The following ZNF660 variants were observed in gnomAD, a reference collection of about 807,000 sequenced individuals.
The protein encoded by ZNF660 is zinc finger protein 660.
Under a neutral mutation model 23.2 loss-of-function variants are expected in ZNF660, and 24 were observed. The ratio of observed to expected loss-of-function variants is 1.04; its 90% CI spans 0.75 to 1.46. The LOEUF (loss-of-function observed/expected upper bound fraction) is 1.46, where lower values mean the gene tolerates loss of function less well. Ranked by LOEUF, ZNF660 falls within the 40% of genes most tolerant of loss-of-function variation. ZNF660 has a pLI of 0.00. For missense variants in ZNF660, 373 were observed against 396.8 expected (o/e 0.94, Z 0.51); for synonymous variants, 117 against 131.4 (o/e 0.89, Z 0.75).
In ZNF660 at chr3:44,595,129, G is replaced by A. The variant is rs145969286; in HGVS notation, c.936G>A (p.Arg312=). The A allele has an allele frequency of 7.8e-5, 125 of 1,612,058 alleles. No individual in the cohort carries two copies. In the African/African-American group the frequency reaches 8.1e-4, roughly 11 times the overall value. The part of the protein sequence containing the change: ...YKCSECGKAY[R]YSSQLIQHQR... Reference sequence around the variant, plus strand: ...GTAGTGAGTGTGGGAAAGCCTATCGGTATAGTTCACAGCTTATTCAACACC... The same window carrying A: ...GTAGTGAGTGTGGGAAAGCCTATCGATATAGTTCACAGCTTATTCAACACC... Residue 312 remains arginine, a synonymous_variant, in exon 3 of 3, where the codon CGG becomes CGA. Coordinates refer to ENST00000322734, the MANE Select transcript of ZNF660 (RefSeq NM_173658.4).
chr3:44,592,453 T>C (rs1163955991), intron 2 of ZNF660, among the ~76,000 whole-genome samples: 2 of 152,238 alleles, frequency 1.3e-5, no homozygotes, highest in South Asian at 2.1e-4. Flanking sequence ...CCCAACTCCC[T>C]CTAAGGTCTG....
intron 2 of ZNF660, among the ~76,000 whole-genome samples, chr3:44,587,847 A>T (rs1700277808): frequency 6.6e-6 from 1 of 152,150 alleles, no homozygotes; most frequent in South Asian, 2.1e-4. Context: ...TGAGGTTGGG[A>T]GTTTGAGACC....
At chr3:44,586,070 G>T (rs1480090868) in intron 1 of ZNF660, 35 bp from the exon 2 acceptor site, 1 of 152,148 alleles carries the variant, frequency 6.6e-6, no homozygotes, top group East Asian at 1.9e-4. Flanking sequence ...GGAATTCAGG[G>T]CTCAGAGAAC....
intron 2 of ZNF660, among the ~76,000 whole-genome samples, chr3:44,589,898 T>C (rs960438585): frequency 1.3e-5 from 2 of 149,720 alleles, no homozygotes; most frequent in South Asian, 4.3e-4. Context: ...AATCCCTGCC[T>C]ACATGAAGTT....
intron 2 of ZNF660, among the ~76,000 whole-genome samples, chr3:44,587,450 T>C (rs1229166076): frequency 3.9e-5 from 6 of 152,328 alleles, no homozygotes; most frequent in African/African-American, 1.4e-4. Context: ...GTTGCCTAGA[T>C]ACCCCTAGTG....
chr3:44,589,572 T>C (rs1700345783), intron 2 of ZNF660, among the ~76,000 whole-genome samples: 2 of 152,164 alleles, frequency 1.3e-5, no homozygotes, highest in South Asian at 4.1e-4. Flanking sequence ...ATGGTAATGC[T>C]TGAAAAACTG....
At position 44,599,209 on chromosome 3, in the gene ZNF660, T is replaced by C. The variant is rs944388049; in HGVS notation, c.*4020T>C. ...CCACAGACATCCTGGTTATATAGAA[T>C]TGCTCCTGTGTAGAATAAAAATATA... On this transcript the variant is annotated 3_prime_UTR_variant, in exon 3 of 3. Transcript: ENST00000322734. The C allele has an allele frequency of 3.3e-5, 5 of 152,182 alleles. No homozygotes were observed. Among genetic ancestry groups the C allele is most frequent in the African/African-American group, 9.7e-5 (4 of 41,434 alleles). The allele number at this position is 152,182 out of a possible 1,614,324, so 9.4% of individuals were successfully genotyped here.
At chr3:44,586,525 G>A (rs903174224) in intron 2 of ZNF660, 18 of 152,182 alleles carry the variant, frequency 1.2e-4, no homozygotes, top group Admixed American at 1.2e-3. Flanking sequence ...GGATAGACTG[G>A]GAGGTTCCTT....
At chr3:44,592,463 G>C (rs1013838385) in intron 2 of ZNF660, among the ~76,000 whole-genome samples, 1 of 152,178 alleles carries the variant, frequency 6.6e-6, no homozygotes, top group Non-Finnish European at 1.5e-5. Context: ...TCTAAGGTCT[G>C]CCATGGTTAC....
rs141493347 is a variant in ZNF660, at chr3:44,595,817, C to G, written c.*628C>G. ...CACTGGCATTTAGCAGCAGTGGAAC[C>G]GCGAGCAAGTCCCTTCCTTTTAGAG... On this transcript the variant is annotated 3_prime_UTR_variant, in exon 3 of 3. Transcript: ENST00000322734. 90 of 167,188 alleles carry G rather than the reference C, an allele frequency of 5.4e-4. No individual in the cohort carries two copies. The highest frequency in any genetic ancestry group is 2.0e-3 in the African/African-American group (83 of 41,566). 10.4% of individuals were successfully genotyped at this position (167,188 alleles called of 1,614,324 possible).
intron 2 of ZNF660, among the ~76,000 whole-genome samples, chr3:44,588,563 T>C (rs961381638): frequency 6.6e-6 from 1 of 152,144 alleles, no homozygotes; most frequent in Non-Finnish European, 1.5e-5. Flanking sequence ...TCTCCCAGGC[T>C]GGAGTGTGGC....
At chr3:44,585,259 G>A (rs886883216) in intron 1 of ZNF660, among the ~76,000 whole-genome samples, 1 of 152,162 alleles carries the variant, frequency 6.6e-6, no homozygotes, top group South Asian at 2.1e-4. Flanking sequence ...TGTCGTCCCC[G>A]CTCCTAGGCA....
rs186988792 is a variant in ZNF660 at position 44,587,858 on chromosome 3, A to G, written c.-181+1645A>G. 8.6e-4 allele frequency among the ~76,000 whole-genome samples: 131 copies of G among 152,296 alleles called. 1 individual carries two copies. Among genetic ancestry groups the G allele is most frequent in the African/African-American group, 2.3e-3 (94 of 41,564 alleles). On this transcript the variant is annotated intron_variant, in intron 2 of 2. Transcript: ENST00000322734. ...CACCTGAGGTTGGGAGTTTGAGACCAGCCTGACCAACATGGAGAAACCCCA... is the reference window on the plus strand; with the variant it reads ...CACCTGAGGTTGGGAGTTTGAGACCGGCCTGACCAACATGGAGAAACCCCA...
chr3:44,585,294 C>G (rs1700191565), intron 1 of ZNF660, among the ~76,000 whole-genome samples: 2 of 152,144 alleles, frequency 1.3e-5, no homozygotes, highest in African/African-American at 4.8e-5. Flanking sequence ...TAGTAGCGGT[C>G]GAGTCCCGCC....
In ZNF660 at chr3:44,594,599, T is replaced by C; in HGVS notation, c.406T>C (p.Cys136Arg). ...GIHSGEKTYE[C>R]KECGKAFSRS... ...CCACAGTGGGGAGAAAACTTATGAATGTAAAGAGTGTGGGAAAGCCTTTAG... is the reference window on the plus strand; with the variant it reads ...CCACAGTGGGGAGAAAACTTATGAACGTAAAGAGTGTGGGAAAGCCTTTAG... The change falls in exon 3 of 3, where the codon TGT becomes CGT. Residue 136 changes from cysteine (C) to arginine (R), a missense_variant. By Grantham distance (180) the Cys-to-Arg change is radical (BLOSUM62 -3). Coordinates refer to ENST00000322734, the MANE Select transcript of ZNF660 (RefSeq NM_173658.4). The C allele has an allele frequency of 2.5e-6, 4 of 1,614,166 alleles. No homozygotes were observed. Among genetic ancestry groups the C allele is most frequent in the Non-Finnish European group, 2.5e-6 (3 of 1,180,034 alleles).
intron 2 of ZNF660, among the ~76,000 whole-genome samples, chr3:44,588,908 A>C (rs1433891668): frequency 6.6e-6 from 1 of 152,194 alleles, no homozygotes. Context: ...TGACACTACC[A>C]TTCTTGGTAT....
rs953602346 is a variant in ZNF660, at chr3:44,598,052, C to T, written c.*2863C>T. 6.6e-6 allele frequency: 1 copy of T among 152,280 alleles called. No individual in the cohort carries two copies. Among genetic ancestry groups the T allele is most frequent in the African/African-American group, 2.4e-5 (1 of 41,452 alleles). 9.4% of individuals were successfully genotyped at this position (152,280 alleles called of 1,614,324 possible). On this transcript the variant is annotated 3_prime_UTR_variant, in exon 3 of 3. Transcript: ENST00000322734. The stretch of plus-strand genomic sequence containing the variant: ...TCAGAGTTTAGGCATGCAGCTCTTA[C>T]CATCCTTTCAAGCCCTTTCATAATA...
chr3:44,594,234 A>ATAAC lies in ZNF660; in HGVS notation c.41_42insTAAC (p.Lys14AsnfsTer5). On this transcript the variant is annotated frameshift_variant, in exon 3 of 3. Coordinates refer to ENST00000322734, the MANE Select transcript of ZNF660 (RefSeq NM_173658.4). LOFTEE classifies it high-confidence loss of function. Reference sequence around the variant, plus strand: ...AGAAATTTCAAACATAAGACAGTTAAAGACAATAAAGTACTCACAGAAGGG... The same window carrying ATAAC: ...AGAAATTTCAAACATAAGACAGTTAATAACAGACAATAAAGTACTCACAGAAGGG... 2 of 1,613,960 alleles carry ATAAC rather than the reference A, an allele frequency of 1.2e-6. No homozygotes were observed. Among genetic ancestry groups the ATAAC allele is most frequent in the Middle Eastern group, 3.3e-4 (2 of 6,062 alleles).
intron 1 of ZNF660, 145 bp downstream of exon 1, chr3:44,585,152 C>T (rs1248631870): frequency 6.6e-6 from 1 of 152,360 alleles, no homozygotes; most frequent in African/African-American, 2.4e-5. Context: ...GTGGGCCTCC[C>T]CTTTCTCTCG....
Sources: allele counts gnomAD v4.1 joint callset (sites outside exome capture counted in the v4.1 genomes callset), GRCh38; gene constraint gnomAD v4.1.1; transcripts MANE v1.5; gene names NCBI Gene and HGNC (gene_info 2026-07-23, HGNC 2026-07-21).